WDFY3: variants seen among roughly 807,000 people sequenced by gnomAD.
WDFY3 encodes the protein WD repeat and FYVE domain containing 3.
WDFY3 carries 66 observed loss-of-function variants against 409.6 expected under a neutral mutation model. The ratio of observed to expected loss-of-function variants is 0.16; its 90% confidence interval spans 0.13 to 0.20. The LOEUF is 0.20. WDFY3 is among the 10% of genes least tolerant of loss of function. The pLI is 1.00. For missense variants in WDFY3, 3,031 were observed against 4,298.1 expected, an observed-to-expected ratio of 0.71 and a Z score of 8.24; for synonymous variants, 1,521 against 1,537.1, an observed-to-expected ratio of 0.99 and a Z score of 0.25.
intron 56 of WDFY3, among the ~76,000 whole-genome samples, chr4:84,702,143 G>C (rs1731158355): frequency 6.6e-6 from 1 of 152,196 alleles, no homozygotes; most frequent in Non-Finnish European, 1.5e-5. Context: ...AAGTAGCTGG[G>C]ATTACAGGTG....
In WDFY3 at chr4:84,938,005, G is replaced by T. The variant is rs1394162527; in HGVS notation, c.-225-5642C>A. 3.3e-5 allele frequency among the ~76,000 whole-genome samples: 5 copies of T among 152,166 alleles called. No homozygotes were observed. In the South Asian group the frequency reaches 6.2e-4, roughly 19 times the overall value. On this transcript the variant is annotated intron_variant, in intron 1 of 67. Coordinates refer to ENST00000295888, the MANE Select transcript of WDFY3 (RefSeq NM_014991.6). ...AGGCATAGTACTCTTATGCTTTGGGGCCATTATTAAGTAAAATAAGGGTTA... is the reference window on the plus strand; with the variant it reads ...AGGCATAGTACTCTTATGCTTTGGGTCCATTATTAAGTAAAATAAGGGTTA...
intron 27 of WDFY3, 76 bp downstream of exon 27, chr4:84,778,427 T>C: frequency 7.6e-7 from 1 of 1,308,010 alleles, no homozygotes; most frequent in Admixed American, 2.8e-5. Context: ...ATTTTAGAGA[T>C]AAAATAGTTT....
chr4:84,689,127 G>A (rs865947342), intron 61 of WDFY3, among the ~76,000 whole-genome samples: 16 of 152,166 alleles, frequency 1.1e-4, no homozygotes, highest in African/African-American at 3.1e-4. Context: ...GGAAAGCCTT[G>A]GGTGTAAATC....
Position 84,693,179 on chromosome 4 carries a change from G to T in WDFY3, c.8902-147C>A. ...TCCTCATTTTACACCCGAGGAAAGA[G>T]ATTCAAAGACGCTATGAAGGTGGCC... On this transcript the variant is annotated intron_variant, in intron 58 of 67. Coordinates refer to ENST00000295888, the MANE Select transcript of WDFY3 (RefSeq NM_014991.6). 4.7e-6 allele frequency: 4 copies of T among 859,146 alleles called. No homozygotes were observed. In the South Asian group the frequency reaches 7.4e-5, roughly 16 times the overall value. 53.2% of individuals were successfully genotyped at this position (859,146 alleles called of 1,614,324 possible). A position where few individuals can be genotyped will look rare whatever the true frequency, so the allele number is the denominator to read the frequency against.
intron 2 of WDFY3, among the ~76,000 whole-genome samples, chr4:84,901,074 G>T (rs182110316): frequency 6.6e-6 from 1 of 152,284 alleles, no homozygotes; most frequent in Admixed American, 6.5e-5. Context: ...AGGAGCGTGT[G>T]TCCTCACATG....
At chr4:84,947,175 G>C (rs1350000317) in intron 1 of WDFY3, among the ~76,000 whole-genome samples, 10 of 151,764 alleles carry the variant, frequency 6.6e-5, no homozygotes, top group African/African-American at 2.4e-4. Context: ...AATCTTTACA[G>C]CAAAGTCACC....
At chr4:84,884,613 T>C (rs931547446) in intron 3 of WDFY3, among the ~76,000 whole-genome samples, 33 of 152,318 alleles carry the variant, frequency 2.2e-4, no homozygotes, top group African/African-American at 7.7e-4. Context: ...ATAATTTAAA[T>C]GTACTTAGGA....
chr4:84,762,616 T>TA (rs887679893), intron 32 of WDFY3, among the ~76,000 whole-genome samples: 3 of 146,476 alleles, frequency 2.0e-5, no homozygotes, highest in African/African-American at 2.5e-5. Flanking sequence ...AGTATAATAA[T>TA]AAAAAAAAAA....
At chr4:84,702,740 G>A (rs1487437326) in intron 55 of WDFY3, among the ~76,000 whole-genome samples, 1 of 152,166 alleles carries the variant, frequency 6.6e-6, no homozygotes, top group East Asian at 1.9e-4. Flanking sequence ...AAATCCAAAT[G>A]TAAAGATTTT....
chr4:84,686,836 A>C (rs749812576), intron 62 of WDFY3, among the ~76,000 whole-genome samples: 3 of 152,148 alleles, frequency 2.0e-5, no homozygotes, highest in Non-Finnish European at 2.9e-5. Flanking sequence ...GTGAGGCCTT[A>C]GTCTCTGTAA....
intron 13 of WDFY3, among the ~76,000 whole-genome samples, chr4:84,814,674 C>T (rs1177054209): frequency 6.6e-6 from 1 of 152,020 alleles, no homozygotes; most frequent in Non-Finnish European, 1.5e-5. Flanking sequence ...TCAAGTAACC[C>T]TTATTTTACT....
At chr4:84,777,605 A>G (rs1745777057) in intron 27 of WDFY3, among the ~76,000 whole-genome samples, 1 of 152,092 alleles carries the variant, frequency 6.6e-6, no homozygotes, top group Non-Finnish European at 1.5e-5. Flanking sequence ...ATACAGTGTC[A>G]GTAAAGCAAT....
At chr4:84,713,284 C>T (rs928335847) in intron 50 of WDFY3, 45 bp from the exon 51 acceptor site, 3 of 1,553,918 alleles carry the variant, frequency 1.9e-6, no homozygotes. Flanking sequence ...AAGTCTCAGT[C>T]AGGATCTAAT....
rs370414107 is a variant in WDFY3, at chr4:84,817,381, A to G, written c.1887+11T>C. On this transcript the variant is annotated intron_variant, in intron 13 of 67. Transcript: ENST00000295888. ...GTAGTAAAAGAAGGGAAACACATTTATCAAACTTACCCTTAAAATATCAGT... is the reference window on the plus strand; with the variant it reads ...GTAGTAAAAGAAGGGAAACACATTTGTCAAACTTACCCTTAAAATATCAGT... 241 of 1,613,144 alleles carry G rather than the reference A, an allele frequency of 1.5e-4. No homozygotes were observed. Among genetic ancestry groups the G allele is most frequent in the Non-Finnish European group, 1.8e-4 (208 of 1,179,432 alleles).
chr4:84,906,734 T>C lies in WDFY3; in HGVS notation c.-131-9724A>G, dbSNP rs997124507. ...GGAAAGCTTTGAATATGGCCCAAAT[T>C]TGTAAACTTTCTTAAAACATTATGA... is the stretch of plus-strand genomic sequence containing the variant. On this transcript the variant is annotated intron_variant, in intron 2 of 67. Transcript: ENST00000295888. Among the ~76,000 whole-genome samples, 11 of 152,214 alleles carry C rather than the reference T, an allele frequency of 7.2e-5. No individual in the cohort carries two copies. In the South Asian group the frequency reaches 1.4e-3, roughly 20 times the overall value.
chr4:84,730,838 T>C (rs933596320), intron 44 of WDFY3, among the ~76,000 whole-genome samples: 2 of 152,106 alleles, frequency 1.3e-5, no homozygotes, highest in Admixed American at 1.3e-4. Flanking sequence ...TTTGCTCTTG[T>C]TGCCCAGGCT....
At chr4:84,842,489 A>G (rs1443476632) in intron 5 of WDFY3, among the ~76,000 whole-genome samples, 1 of 151,714 alleles carries the variant, frequency 6.6e-6, no homozygotes, top group Non-Finnish European at 1.5e-5. Flanking sequence ...AAAAAAAAAA[A>G]GAAGTAAGTC....
At chr4:84,853,330 C>T (rs893260034) in intron 4 of WDFY3, among the ~76,000 whole-genome samples, 2 of 151,904 alleles carry the variant, frequency 1.3e-5, no homozygotes, top group Non-Finnish European at 2.9e-5. Context: ...ACCACCACAC[C>T]CGGCTAATTT....
intron 30 of WDFY3, among the ~76,000 whole-genome samples, chr4:84,769,697 C>CA (rs1744305924): frequency 6.6e-6 from 1 of 152,164 alleles, no homozygotes; most frequent in Admixed American, 6.5e-5. Flanking sequence ...GCTGGGATTA[C>CA]AGGCATGAGC....
Sources: gnomAD v4.1 joint callset for allele counts (sites outside exome capture counted in the v4.1 genomes callset) on GRCh38, gnomAD v4.1.1 for gene constraint, MANE v1.5 for transcripts, NCBI Gene and HGNC (gene_info 2026-07-23, HGNC 2026-07-21) for gene names.